Variants in POLR1H observed in about 807,000 individuals in gnomAD.
The protein encoded by POLR1H is DNA-directed RNA polymerase I subunit RPA12.
A neutral mutation model predicts 15.8 loss-of-function variants in POLR1H; 5 were observed. The ratio of observed to expected loss-of-function variants is 0.32; its 90% CI spans 0.17 to 0.67. The LOEUF (loss-of-function observed/expected upper bound fraction) is 0.67, where lower values mean the gene tolerates loss of function less well. Ranked by LOEUF, POLR1H falls within the 30% of genes least tolerant of loss-of-function variation. The probability of loss-of-function intolerance (pLI) is 0.74; values close to 1 mark genes in which losing one functional copy is unlikely to be tolerated. For synonymous variants in POLR1H, 43 were observed against 58.3 expected, an observed-to-expected ratio of 0.74 and a Z score of 1.20; for missense variants, 100 against 163.4, an observed-to-expected ratio of 0.61 and a Z score of 2.11.
rs376982686 is a variant in POLR1H, at chr6:30,061,533, C to G, written c.9C>G (p.Val3=). 14 of 1,612,966 alleles carry G rather than the reference C, an allele frequency of 8.7e-6. No homozygotes were observed. The African/African-American group carries it at 1.7e-4, about 20-fold the overall frequency. Residue 3 remains valine, a synonymous_variant, in exon 1 of 4, where the codon GTC becomes GTG. Coordinates refer to ENST00000332435, the MANE Select transcript of POLR1H (RefSeq NM_170783.4). This position sits in a 1 kb window ranked among gnomAD's most constrained non-coding sequence, Gnocchi z 5.0. ...TCCTCAGACCCGACCGCATGTCTGT[C>G]ATGGACCTCGCCAATACTTGCTCCA... MS[V]MDLANTCSSF...
chr6:30,061,117 G>A (rs9261267), upstream of POLR1H: 5,254 of 168,298 alleles, frequency 0.031, 93 homozygotes, highest in Non-Finnish European at 0.041. The surrounding 1 kb of genome is among the most constrained non-coding windows in gnomAD (Gnocchi z 5.0). Context: ...GGGTGAAAGT[G>A]GAGACGCAAT....
Position 30,061,366 on chromosome 6 carries a change from C to A in POLR1H, c.-159C>A. The stretch of plus-strand genomic sequence containing the variant: ...CCCGACGCTGTCTGGGAATTCCGGG[C>A]GTTTCGGCTCCTTGGTCGCAGAGGC... On this transcript the variant is annotated 5_prime_UTR_variant, in exon 1 of 4. Coordinates refer to ENST00000332435, the MANE Select transcript of POLR1H (RefSeq NM_170783.4). This position sits in a 1 kb window ranked among gnomAD's most constrained non-coding sequence, Gnocchi z 5.0. 1.4e-6 allele frequency: 1 copy of A among 739,186 alleles called. No homozygotes were observed. 45.8% of individuals were successfully genotyped at this position (739,186 alleles called of 1,614,324 possible).
chr6:30,061,247 C>G, upstream of POLR1H: 1 of 383,106 alleles, frequency 2.6e-6, no homozygotes, highest in South Asian at 6.6e-5. The surrounding 1 kb of genome is among the most constrained non-coding windows in gnomAD (Gnocchi z 5.0). Flanking sequence ...CTCTATCTCG[C>G]TGCCCCGCCG....
intron 3 of POLR1H, among the ~76,000 whole-genome samples, chr6:30,062,790 T>G (rs1344335130): frequency 6.9e-6 from 1 of 145,094 alleles, no homozygotes; most frequent in African/African-American, 2.6e-5. Flanking sequence ...CAGGCTGGTC[T>G]TGAACTTCTG....
In POLR1H at chr6:30,063,877, C is replaced by T. The variant is rs1765306762; in HGVS notation, c.357-796C>T. On this transcript the variant is annotated intron_variant, in intron 3 of 3. Transcript: ENST00000332435. This position sits in a 1 kb window ranked among gnomAD's most constrained non-coding sequence, Gnocchi z 4.1. ...GCAAATCCATGTAAGGGCTAGCTTA[C>T]AGTTAGAAATTCTCAGGAGAGAGTT... 6.6e-6 allele frequency among the ~76,000 whole-genome samples: 1 copy of T among 152,178 alleles called. No homozygotes were observed. Among genetic ancestry groups the T allele is most frequent in the African/African-American group, 2.4e-5 (1 of 41,430 alleles).
rs749507630 is a variant in POLR1H, at chr6:30,062,714, C to CCTTTTTTTTTTTTTTTTTTTTTTTTT, written c.356+381_356+382insCTTTTTTTTTTTTTTTTTTTTTTTTT. Among the ~76,000 whole-genome samples the CCTTTTTTTTTTTTTTTTTTTTTTTTT allele has an allele frequency of 2.1e-4, 9 of 42,390 alleles. 1 individual carries two copies. The highest frequency in any genetic ancestry group is 9.5e-4 in the East Asian group (1 of 1,052). The allele number at this position is 42,390 out of a possible 152,430, so 27.8% of individuals were successfully genotyped here. A position where few individuals can be genotyped will look rare whatever the true frequency, so the allele number is the denominator to read the frequency against. ...CACAGACACATGCCACCACGCCTGG[C>CCTTTTTTTTTTTTTTTTTTTTTTTTT]TTTTTTTTTTTTTTTTTTTTTTTTT... is the stretch of plus-strand genomic sequence containing the variant. On this transcript the variant is annotated intron_variant, in intron 3 of 3. Transcript: ENST00000332435.
At chr6:30,061,097 C>G (rs180888380), upstream of POLR1H, 2 of 161,498 alleles carry the variant, frequency 1.2e-5, no homozygotes, top group East Asian at 3.6e-4. This position sits in a 1 kb window ranked among gnomAD's most constrained non-coding sequence, Gnocchi z 5.0. Flanking sequence ...TGCTCAACCT[C>G]TCAGTACCAG....
Position 30,064,568 on chromosome 6 carries a change from G to A in POLR1H, c.357-105G>A. The A allele has an allele frequency of 2.9e-6, 3 of 1,024,720 alleles. No homozygotes were observed. The South Asian group carries it at 4.7e-5, about 16-fold the overall frequency. The allele number at this position is 1,024,720 out of a possible 1,614,324, so 63.5% of individuals were successfully genotyped here. A position where few individuals can be genotyped will look rare whatever the true frequency, so the allele number is the denominator to read the frequency against. On this transcript the variant is annotated intron_variant, in intron 3 of 3. Coordinates refer to ENST00000332435, the MANE Select transcript of POLR1H (RefSeq NM_170783.4). ...TTTAGGGGAGCCAGTCCTCAATGAT[G>A]TCATAAATAAAAGTCCTTCCTTGAT... is the stretch of plus-strand genomic sequence containing the variant.
chr6:30,061,971 C>G lies in POLR1H; in HGVS notation c.200C>G (p.Ala67Gly), dbSNP rs568420351. 5 of 1,612,940 alleles carry G rather than the reference C, an allele frequency of 3.1e-6. No homozygotes were observed. The highest frequency in any genetic ancestry group is 4.2e-6 in the Non-Finnish European group (5 of 1,180,030). The stretch of plus-strand genomic sequence containing the variant: ...GTTGTGTTCCACCAACTGGGGACAG[C>G]CATGCCTATGTCGGTGGAGGAAGGG... ...TSVVFHQLGTAMPMSVEEGPE... is the reference protein window; with the variant it reads ...TSVVFHQLGTGMPMSVEEGPE... Residue 67 changes from alanine (A) to glycine (G), a missense_variant, in exon 2 of 4, where the codon GCC becomes GGC. Ala to Gly is a moderately conservative substitution (Grantham distance 60). Transcript: ENST00000332435. The surrounding 1 kb of genome is among the most constrained non-coding windows in gnomAD (Gnocchi z 5.0).
At chr6:30,061,011 CAA>C (rs149022675), upstream of POLR1H, 3,771 of 153,242 alleles carry the variant, frequency 0.025, 95 homozygotes, top group African/African-American at 0.066. The surrounding 1 kb of genome is among the most constrained non-coding windows in gnomAD (Gnocchi z 5.0). Context: ...GGATGTGAGA[CAA>C]AGAGAATAAA....
In POLR1H at chr6:30,064,697, AC is replaced by A; in HGVS notation, c.*2del. The A allele has an allele frequency of 1.9e-6, 3 of 1,608,828 alleles. No homozygotes were observed. The highest frequency in any genetic ancestry group is 2.5e-6 in the Non-Finnish European group (3 of 1,178,510). ...GGTTCCAGGAGAAGGAAGACTCTTGACCTTTTTCCTGGGCAACTCTACAGTC... is the reference window on the plus strand; with the variant it reads ...GGTTCCAGGAGAAGGAAGACTCTTGACTTTTTCCTGGGCAACTCTACAGTC... On this transcript the variant is annotated 3_prime_UTR_variant, in exon 4 of 4. Transcript: ENST00000332435.
At position 30,063,903 on chromosome 6, in the gene POLR1H, TTC is replaced by T. The variant is rs1765309742; in HGVS notation, c.357-764_357-763del. Among the ~76,000 whole-genome samples, 1 of 152,232 alleles carries T rather than the reference TTC, an allele frequency of 6.6e-6. No homozygotes were observed. Among genetic ancestry groups the T allele is most frequent in the South Asian group, 2.1e-4 (1 of 4,834 alleles). ...AGTTAGAAATTCTCAGGAGAGAGTT[TTC>T]TCTCTTTCTACCTACTGAGACAGTC... On this transcript the variant is annotated intron_variant, in intron 3 of 3. Transcript: ENST00000332435. This position sits in a 1 kb window ranked among gnomAD's most constrained non-coding sequence, Gnocchi z 4.1.
In POLR1H at chr6:30,063,909, CTT is replaced by C. The variant is rs1765310392; in HGVS notation, c.357-762_357-761del. ...AAATTCTCAGGAGAGAGTTTTCTCT[CTT>C]TCTACCTACTGAGACAGTCAAATTC... On this transcript the variant is annotated intron_variant, in intron 3 of 3. Transcript: ENST00000332435. This position sits in a 1 kb window ranked among gnomAD's most constrained non-coding sequence, Gnocchi z 4.1. Among the ~76,000 whole-genome samples, 1 of 152,190 alleles carries C rather than the reference CTT, an allele frequency of 6.6e-6. No individual in the cohort carries two copies. Among genetic ancestry groups the C allele is most frequent in the Non-Finnish European group, 1.5e-5 (1 of 68,036 alleles).
chr6:30,062,714 C>CTTTTTTT (rs9278555), intron 3 of POLR1H, among the ~76,000 whole-genome samples: 18 of 42,390 alleles, frequency 4.2e-4, no homozygotes, highest in African/African-American at 7.1e-4. Flanking sequence ...CCACGCCTGG[C>CTTTTTTT]TTTTTTTTTT....
intron 3 of POLR1H, among the ~76,000 whole-genome samples, chr6:30,064,306 T>A (rs9280880): frequency 0.12 from 17,968 of 148,490 alleles, 1,485 homozygotes; most frequent in African/African-American, 0.23. Flanking sequence ...AAAAAAAAAA[T>A]TTTTTTTAAA....
Position 30,062,328 on chromosome 6 carries a change from CTGCAAGTGAGTA to C in POLR1H, c.353_356+8del. The C allele has an allele frequency of 6.2e-7, 1 of 1,604,230 alleles. No individual in the cohort carries two copies. Among genetic ancestry groups the C allele is most frequent in the Non-Finnish European group, 8.5e-7 (1 of 1,171,974 alleles). On this transcript the variant is annotated splice_donor_variant and splice_donor_5th_base_variant and coding_sequence_variant and intron_variant, in exon 3 of 4. Coordinates refer to ENST00000332435, the MANE Select transcript of POLR1H (RefSeq NM_170783.4). LOFTEE classifies it high-confidence loss of function. ...AAACTGTCTTCTACACCTGTACCAA[CTGCAAGTGAGTA>C]TTCTTTCCCCTCCCTCTGCTCAGTC...
chr6:30,062,506 T>A (rs1421713612), intron 3 of POLR1H, among the ~76,000 whole-genome samples, 173 bp downstream of exon 3: 2 of 151,856 alleles, frequency 1.3e-5, no homozygotes, highest in African/African-American at 4.8e-5. Flanking sequence ...TACACTTTTT[T>A]AAACCTTTTT....
At position 30,061,864 on chromosome 6, in the gene POLR1H, G is replaced by A. The variant is rs17187665; in HGVS notation, c.146-53G>A. 17,715 of 1,591,150 alleles carry A rather than the reference G, an allele frequency of 0.011. 146 individuals carry two copies. Among genetic ancestry groups the A allele is most frequent in the Non-Finnish European group, 0.014 (16,080 of 1,161,296 alleles). ...CAGCCAGGGGAAAGGGGAGGTTTCC[G>A]GTGTCAGCTCTCTCTGGTTGTCTCC... On this transcript the variant is annotated intron_variant, in intron 1 of 3. Transcript: ENST00000332435. This position sits in a 1 kb window ranked among gnomAD's most constrained non-coding sequence, Gnocchi z 5.0.
At chr6:30,060,783 G>T (rs926423152), upstream of POLR1H, 1 of 152,220 alleles carries the variant, frequency 6.6e-6, no homozygotes, top group African/African-American at 2.4e-5. Flanking sequence ...CACGAGGCCG[G>T]TTGCGAGCTG....
Sources: allele counts gnomAD v4.1 joint callset (sites outside exome capture counted in the v4.1 genomes callset), GRCh38; gene constraint gnomAD v4.1.1; non-coding constraint Gnocchi (gnomAD v3.1); transcripts MANE v1.5; gene names NCBI Gene and HGNC (gene_info 2026-07-23, HGNC 2026-07-21).